The following WDFY3 variants were observed in gnomAD, a reference collection of about 807,000 sequenced individuals.
The protein encoded by WDFY3 is WD repeat and FYVE domain-containing protein 3.
Under a neutral mutation model 409.6 loss-of-function variants are expected in WDFY3, and 66 were observed. The ratio of observed to expected loss-of-function variants is 0.16; its 90% confidence interval spans 0.13 to 0.20. The LOEUF (loss-of-function observed/expected upper bound fraction) is 0.20, where lower values mean the gene tolerates loss of function less well. WDFY3 is among the 10% of genes least tolerant of loss of function. The probability of loss-of-function intolerance (pLI) is 1.00; values close to 1 mark genes in which losing one functional copy is unlikely to be tolerated. For synonymous variants in WDFY3, 1,521 were observed against 1,537.1 expected, an observed-to-expected ratio of 0.99 and a Z score of 0.25; for missense variants, 3,031 against 4,298.1, an observed-to-expected ratio of 0.71 and a Z score of 8.24.
intron 32 of WDFY3, among the ~76,000 whole-genome samples, chr4:84,761,012 T>C (rs1217193505): frequency 1.3e-5 from 2 of 151,778 alleles, no homozygotes; most frequent in African/African-American, 4.8e-5. Flanking sequence ...TGTGTCTTTG[T>C]TCTCGTTGGT....
At position 84,717,033 on chromosome 4, in the gene WDFY3, GA is replaced by G; in HGVS notation, c.7755-18del. On this transcript the variant is annotated intron_variant, in intron 48 of 67. Transcript: ENST00000295888. ...TCATGCATACTACAGGCAGCCAAGA[GA>G]AAAAGCAAATAAAAACACAGCAAGG... The G allele has an allele frequency of 2.6e-6, 4 of 1,550,540 alleles. No individual in the cohort carries two copies. The highest frequency in any genetic ancestry group is 1.3e-5 in the South Asian group (1 of 79,824).
At position 84,682,425 on chromosome 4, in the gene WDFY3, C is replaced by T; in HGVS notation, c.9772G>A (p.Glu3258Lys). The change falls in exon 64 of 68, where the codon GAG becomes AAG. Residue 3258 changes from glutamate (E) to lysine (K), a missense_variant. Transcript: ENST00000295888. ...FLQVPETPAP[E>K]PAEVLEMQED... ...TGCATTTCTAGGACTTCAGCAGGCTCAGGAGCTGGTGTTTCAGGAACTTGC... is the reference window on the plus strand; with the variant it reads ...TGCATTTCTAGGACTTCAGCAGGCTTAGGAGCTGGTGTTTCAGGAACTTGC... 6.2e-7 allele frequency: 1 copy of T among 1,613,888 alleles called. No individual in the cohort carries two copies. Among genetic ancestry groups the T allele is most frequent in the Non-Finnish European group, 8.5e-7 (1 of 1,179,978 alleles).
chr4:84,803,836 TC>T (rs1023153867), intron 15 of WDFY3: 4 of 162,120 alleles, frequency 2.5e-5, no homozygotes, highest in African/African-American at 9.6e-5. Context: ...TGATGAGAGA[TC>T]AAATTAAATT....
chr4:84,843,650 T>C (rs1262813692), intron 5 of WDFY3, among the ~76,000 whole-genome samples: 5 of 152,174 alleles, frequency 3.3e-5, no homozygotes, highest in Non-Finnish European at 7.4e-5. Context: ...CCTCCTGTCT[T>C]GGTTTCCCAA....
chr4:84,695,499 C>CAGAGAGAGAGAG (rs1217791319), intron 58 of WDFY3, among the ~76,000 whole-genome samples: 24 of 73,050 alleles, frequency 3.3e-4, no homozygotes, highest in Middle Eastern at 7.8e-3. Context: ...CACACAGAGA[C>CAGAGAGAGAGAG]AGAGAGAGAT....
intron 44 of WDFY3, among the ~76,000 whole-genome samples, 188 bp downstream of exon 44, chr4:84,733,194 T>C (rs1736893606): frequency 6.6e-6 from 1 of 152,220 alleles, no homozygotes. Flanking sequence ...CTCTTTATTA[T>C]GATGTCTCCT....
chr4:84,959,027 T>A (rs1406751544), intron 1 of WDFY3, among the ~76,000 whole-genome samples: 1 of 152,194 alleles, frequency 6.6e-6, no homozygotes, highest in Admixed American at 6.5e-5. Context: ...TAATTGACAA[T>A]TATTGACAGT....
At chr4:84,829,850 TTAGAG>T (rs1560868582) in intron 8 of WDFY3, among the ~76,000 whole-genome samples, 1 of 150,296 alleles carries the variant, frequency 6.7e-6, no homozygotes, top group Non-Finnish European at 1.5e-5. Context: ...AATAAATAAA[TTAGAG>T]AGACTATAGA....
At chr4:84,863,579 C>T (rs559694093) in intron 3 of WDFY3, among the ~76,000 whole-genome samples, 3 of 152,272 alleles carry the variant, frequency 2.0e-5, no homozygotes, top group African/African-American at 2.4e-5. Context: ...ATTTGAGTTT[C>T]GCTATGAGTT....
chr4:84,754,880 C>T lies in WDFY3; in HGVS notation c.5559+386G>A, dbSNP rs563632362. Among the ~76,000 whole-genome samples, 8 of 152,168 alleles carry T rather than the reference C, an allele frequency of 5.3e-5. No individual in the cohort carries two copies. In the East Asian group the frequency reaches 9.6e-4, roughly 18 times the overall value. On this transcript the variant is annotated intron_variant, in intron 34 of 67. Coordinates refer to ENST00000295888, the MANE Select transcript of WDFY3 (RefSeq NM_014991.6). ...TATTACATTAATAAGTTAATACTTA[C>T]GAAGCACTTATTATGTATCAGCCAT...
At chr4:84,921,697 G>A (rs1231985291) in intron 2 of WDFY3, among the ~76,000 whole-genome samples, 72 of 111,658 alleles carry the variant, frequency 6.4e-4, no homozygotes, top group African/African-American at 2.4e-3. Context: ...TCACTCTGTC[G>A]CCCAGGCTGG....
chr4:84,939,412 G>T (rs1166002221), intron 1 of WDFY3, among the ~76,000 whole-genome samples: 2 of 152,230 alleles, frequency 1.3e-5, no homozygotes, highest in Admixed American at 6.5e-5. Context: ...TCTGTGGGGT[G>T]ATGCTTTAAG....
intron 2 of WDFY3, among the ~76,000 whole-genome samples, chr4:84,910,277 A>G (rs1767587247): frequency 6.6e-6 from 1 of 152,188 alleles, no homozygotes; most frequent in Non-Finnish European, 1.5e-5. Flanking sequence ...GCACCTACAG[A>G]TTTTGGTGCT....
chr4:84,861,867 T>C (rs1760690118), intron 3 of WDFY3, among the ~76,000 whole-genome samples: 2 of 152,144 alleles, frequency 1.3e-5, no homozygotes, highest in Admixed American at 6.6e-5. Context: ...TGGCTAAGTG[T>C]AGACACAAAA....
intron 2 of WDFY3, among the ~76,000 whole-genome samples, chr4:84,931,143 CTTGGAACATATCCCTCTCTGA>C (rs1419336688): frequency 6.6e-6 from 1 of 152,118 alleles, no homozygotes; most frequent in African/African-American, 2.4e-5. Context: ...CACTGGGGGT[CTTGGAACATATCCCTCTCTGA>C]TAAGGGGAGA....
At chr4:84,791,739 T>C (rs1291762530) in intron 21 of WDFY3, among the ~76,000 whole-genome samples, 1 of 152,188 alleles carries the variant, frequency 6.6e-6, no homozygotes, top group Non-Finnish European at 1.5e-5. Flanking sequence ...TAGTGATTTG[T>C]TGATCCAAGT....
rs116639473 is a variant in WDFY3 at position 84,799,686 on chromosome 4, T to C, written c.2823-1578A>G. On this transcript the variant is annotated intron_variant, in intron 17 of 67. Coordinates refer to ENST00000295888, the MANE Select transcript of WDFY3 (RefSeq NM_014991.6). ...ATAACCTGTCATTTATAACATCATG[T>C]TAAAAAAAAAAGTAGAATACTCCAA... Among the ~76,000 whole-genome samples, 1,353 of 151,906 alleles carry C rather than the reference T, an allele frequency of 8.9e-3. 18 individuals carry two copies. The highest frequency in any genetic ancestry group is 0.031 in the African/African-American group (1,289 of 41,452).
rs541544393 is a variant in WDFY3 at position 84,945,671 on chromosome 4, AC to A, written c.-225-13309del. 7.9e-5 allele frequency among the ~76,000 whole-genome samples: 12 copies of A among 152,174 alleles called. No homozygotes were observed. The South Asian group carries it at 2.5e-3, about 32-fold the overall frequency. The stretch of plus-strand genomic sequence containing the variant: ...CTATAGTACATAAAATAAGCTCTGA[AC>A]CACCCACTAATATATGATGTCTCCC... On this transcript the variant is annotated intron_variant, in intron 1 of 67. Transcript: ENST00000295888.
chr4:84,852,624 C>A (rs931471945), intron 4 of WDFY3, among the ~76,000 whole-genome samples: 3 of 152,188 alleles, frequency 2.0e-5, no homozygotes, highest in Non-Finnish European at 4.4e-5. Context: ...GTAATAATCT[C>A]AAAATCTCAA....
Sources: allele counts gnomAD v4.1 joint callset (sites outside exome capture counted in the v4.1 genomes callset), GRCh38; gene constraint gnomAD v4.1.1; transcripts MANE v1.5; gene names NCBI Gene and HGNC (gene_info 2026-07-23, HGNC 2026-07-21).